The following ZNF668 variants were observed in gnomAD, a reference collection of about 807,000 sequenced individuals.
ZNF668 encodes zinc finger protein 668.
In ZNF668, 10 loss-of-function variants were observed where a neutral mutation model predicts 40.3. The ratio of observed to expected loss-of-function variants is 0.25; its 90% confidence interval spans 0.15 to 0.42. The LOEUF (loss-of-function observed/expected upper bound fraction) is 0.42. Ranked by LOEUF, ZNF668 falls within the 10% of genes least tolerant of loss-of-function variation. The pLI is 1.00. For synonymous variants in ZNF668, 428 were observed against 384.6 expected (o/e 1.11, Z -1.32); for missense variants, 749 against 904.6 (o/e 0.83, Z 2.21).
At position 31,060,863 on chromosome 16, in the gene ZNF668, G is replaced by T; in HGVS notation, c.*205C>A. The T allele has an allele frequency of 2.0e-6, 1 of 511,958 alleles. No homozygotes were observed. The highest frequency in any genetic ancestry group is 3.1e-6 in the Non-Finnish European group (1 of 325,890). 31.7% of individuals were successfully genotyped at this position (511,958 alleles called of 1,614,324 possible). The stretch of plus-strand genomic sequence containing the variant: ...AAGATGACCTGGTGCCAAAATGAAA[G>T]CTTTAATGAGTGTTACTCCTAGACA... On this transcript the variant is annotated 3_prime_UTR_variant, in exon 3 of 3. Transcript: ENST00000300849.
intron 1 of ZNF668, chr16:31,065,121 G>A (rs555644111): frequency 3.0e-6 from 3 of 1,008,982 alleles, no homozygotes; most frequent in Non-Finnish European, 3.6e-6. Context: ...TTGTTGGCCT[G>A]TTCCCACAAC....
Position 31,064,383 on chromosome 16 carries a change from G to T in ZNF668, c.77C>A (p.Ser26Tyr), listed in dbSNP as rs371432389. The T allele has an allele frequency of 2.4e-5, 39 of 1,613,800 alleles. No individual in the cohort carries two copies. The highest frequency in any genetic ancestry group is 1.7e-4 in the Admixed American group (10 of 60,016). The part of the protein sequence containing the change: ...KRSGRRYKCL[S>Y]CTKTFPNAPR... ...CGCGTTTGGAAATGTCTTGGTACAG[G>T]ACAGGCACTTGTAGCGGCGGCCCGA... Residue 26 changes from serine to tyrosine, a missense_variant, in exon 2 of 3, where the codon TCC becomes TAC. Physicochemically the swap from Ser to Tyr is moderately radical, Grantham distance 144. Around this residue, in one of 4 missense-constraint regions of ZNF668, gnomAD observed 159 missense variants for 139.8 expected, o/e 1.14. Transcript: ENST00000300849.
intron 1 of ZNF668, chr16:31,065,182 G>A: frequency 1.0e-6 from 1 of 977,860 alleles, no homozygotes; most frequent in South Asian, 4.6e-5. Context: ...CTAGCAGCTG[G>A]AAGCCTCTTT....
chr16:31,064,659 G>A (rs1456733404), intron 1 of ZNF668, 178 bp from the exon 2 acceptor site: 1 of 1,536,108 alleles, frequency 6.5e-7, no homozygotes, highest in Non-Finnish European at 8.7e-7. Context: ...TTGAAGAAAG[G>A]AGTTGGACCA....
Position 31,061,410 on chromosome 16 carries a change from A to G in ZNF668, c.1518T>C (p.Gly506=), listed in dbSNP as rs771394488. ...GPLEGAGEAG[G]EEADEKPPQF... is the part of the protein sequence containing the mutation. ...GGGGGGGCTTCTCGTCAGCCTCCTC[A>G]CCCCCCGCCTCGCCTGCCCCTTCCA... Residue 506 remains glycine (G), a synonymous_variant, in exon 3 of 3, where the codon GGT becomes GGC. Transcript: ENST00000300849. This position sits in a 1 kb window ranked among gnomAD's most constrained non-coding sequence, Gnocchi z 7.7. 6.2e-7 allele frequency: 1 copy of G among 1,611,496 alleles called. No individual in the cohort carries two copies. The highest frequency in any genetic ancestry group is 1.7e-5 in the Admixed American group (1 of 59,892).
At position 31,073,905 on chromosome 16, in the gene ZNF668, G is replaced by C. The variant is rs775712423; in HGVS notation, c.-269C>G. On this transcript the variant is annotated 5_prime_UTR_variant, in exon 1 of 3. Coordinates refer to ENST00000300849, the MANE Select transcript of ZNF668 (RefSeq NM_024706.5). Reference sequence around the variant, plus strand: ...GGTCTCTGTGTGTGCTGAGGCAAGGGGACGCCAGGCAGGCTGACGGTATAC... The same window carrying C: ...GGTCTCTGTGTGTGCTGAGGCAAGGCGACGCCAGGCAGGCTGACGGTATAC... 2.6e-5 allele frequency: 4 copies of C among 152,384 alleles called. No individual in the cohort carries two copies. The highest frequency in any genetic ancestry group is 1.9e-4 in the East Asian group (1 of 5,196). The allele number at this position is 152,384 out of a possible 1,614,324, so 9.4% of individuals were successfully genotyped here.
intron 2 of ZNF668, among the ~76,000 whole-genome samples, chr16:31,063,307 AT>A (rs2056950354): frequency 6.6e-6 from 1 of 151,730 alleles, no homozygotes; most frequent in African/African-American, 2.4e-5. Context: ...TAATTTTTTT[AT>A]TTTTATAGAG....
rs1243743411 is a variant in ZNF668, at chr16:31,064,140, G to A, written c.320C>T (p.Thr107Met). 2 of 1,607,716 alleles carry A rather than the reference G, an allele frequency of 1.2e-6. No individual in the cohort carries two copies. The highest frequency in any genetic ancestry group is 4.5e-5 in the East Asian group (2 of 44,804). Residue 107 changes from threonine to methionine, a missense_variant, in exon 2 of 3, where the codon ACG becomes ATG. By Grantham distance (81) the Thr-to-Met change is moderately conservative. This residue lies in a region of ZNF668 where 151 missense variants were observed against 178.6 expected (regional missense o/e 0.85). Coordinates refer to ENST00000300849, the MANE Select transcript of ZNF668 (RefSeq NM_024706.5). ...PELRSHGRSH[T>M]GEKPFPCPEC... ...GGGGCACGGAAAGGGCTTCTCCCCC[G>A]TGTGGCTGCGCCCGTGGCTGCGCAG...
intron 1 of ZNF668, among the ~76,000 whole-genome samples, chr16:31,068,064 T>C (rs1326831647): frequency 6.6e-6 from 1 of 151,270 alleles, no homozygotes; most frequent in Non-Finnish European, 1.5e-5. Context: ...TCAGCCTTCC[T>C]ATCTGTGAGT....
chr16:31,067,018 G>GACC (rs1348657930), intron 1 of ZNF668, among the ~76,000 whole-genome samples: 1 of 151,986 alleles, frequency 6.6e-6, no homozygotes, highest in African/African-American at 2.4e-5. Flanking sequence ...AGGAGTTCAA[G>GACC]ACCAGCCTGG....
intron 1 of ZNF668, chr16:31,064,933 G>C: frequency 7.4e-7 from 1 of 1,358,382 alleles, no homozygotes; most frequent in Non-Finnish European, 9.5e-7. Context: ...GAGCCAATGG[G>C]CTAAATCTGG....
rs1382751533 is a variant in ZNF668, at chr16:31,068,124, AG to A, written c.-22-3644del. Among the ~76,000 whole-genome samples the A allele has an allele frequency of 2.7e-5, 4 of 150,146 alleles. No individual in the cohort carries two copies. In the Admixed American group the frequency reaches 2.7e-4, roughly 10 times the overall value. ...AATCCCTCCTCCCATGGCACTTCCC[AG>A]GGGAAAAGGTAGGGGAGTGCCAGGT... is the stretch of plus-strand genomic sequence containing the variant. On this transcript the variant is annotated intron_variant, in intron 1 of 2. Coordinates refer to ENST00000300849, the MANE Select transcript of ZNF668 (RefSeq NM_024706.5).
chr16:31,064,552 A>C (rs1265033370), intron 1 of ZNF668, 71 bp from the exon 2 acceptor site: 2 of 1,591,554 alleles, frequency 1.3e-6, no homozygotes, highest in South Asian at 2.2e-5. Context: ...AGAGAACCCT[A>C]TCTCATCTGC....
At chr16:31,065,777 C>T (rs2056976992) in intron 1 of ZNF668, among the ~76,000 whole-genome samples, 1 of 151,518 alleles carries the variant, frequency 6.6e-6, no homozygotes, top group African/African-American at 2.4e-5. Flanking sequence ...TGGTGTGAAC[C>T]TGGGAGGCGG....
rs144972780 is a variant in ZNF668, at chr16:31,061,788, C to T, written c.1140G>A (p.Thr380=). Residue 380 remains threonine (T), a synonymous_variant, in exon 3 of 3, where the codon ACG becomes ACA. Transcript: ENST00000300849. The surrounding 1 kb of genome is among the most constrained non-coding windows in gnomAD (Gnocchi z 7.7). ...CCCCCGAGTGCACCCGGCTATGCTT[C>T]GTGAGGCTGGCACGCTCGGCGAAGG... The part of the protein sequence containing the change: ...GRAFAERASL[T]KHSRVHSGER... 2.5e-3 allele frequency: 3,990 copies of T among 1,612,884 alleles called. 18 individuals are homozygous for T. The highest frequency in any genetic ancestry group is 2.1e-3 in the Non-Finnish European group (2,522 of 1,179,874).
intron 2 of ZNF668, among the ~76,000 whole-genome samples, chr16:31,063,236 C>T (rs986133542): frequency 6.6e-6 from 1 of 152,108 alleles, no homozygotes; most frequent in African/African-American, 2.4e-5. Context: ...AGGCTCAGGC[C>T]ATCCTCCCAC....
intron 2 of ZNF668, among the ~76,000 whole-genome samples, chr16:31,063,558 C>A (rs1596752594): frequency 6.6e-6 from 1 of 152,214 alleles, no homozygotes; most frequent in Non-Finnish European, 1.5e-5. Context: ...CAAACCCCGC[C>A]CCCTTTCCAG....
chr16:31,063,263 C>T (rs2056949569), intron 2 of ZNF668, among the ~76,000 whole-genome samples: 1 of 152,052 alleles, frequency 6.6e-6, no homozygotes, highest in African/African-American at 2.4e-5. Context: ...CTCCCAAGTA[C>T]CCGGGACTAG....
intron 1 of ZNF668, chr16:31,065,897 T>C (rs1051671979): frequency 2.5e-5 from 8 of 325,060 alleles, no homozygotes; most frequent in African/African-American, 1.6e-4. Flanking sequence ...CTGGACACGT[T>C]AGGGGTTGGT....
Sources: gnomAD v4.1 joint callset for allele counts (sites outside exome capture counted in the v4.1 genomes callset) on GRCh38, gnomAD v4.1.1 for gene constraint, gnomAD v4.1.1 regional missense constraint, Gnocchi (gnomAD v3.1) non-coding constraint, MANE v1.5 for transcripts, NCBI Gene and HGNC (gene_info 2026-07-23, HGNC 2026-07-21) for gene names.